Variants in CDHR3 observed in about 807,000 individuals in gnomAD.
CDHR3 encodes the protein cadherin-related family member 3.
In CDHR3, 79 loss-of-function variants were observed where a neutral mutation model predicts 86.6. That is an observed-to-expected ratio of 0.91 (90% CI 0.76 to 1.10). The LOEUF is 1.10. Among genes scored for constraint, CDHR3 ranks in the 50% least tolerant of loss-of-function variants. The pLI, the probability that CDHR3 is intolerant of heterozygous loss-of-function variation, is 0.00. For synonymous variants in CDHR3, 421 were observed against 402.4 expected (o/e 1.05, Z -0.55); for missense variants, 1,081 against 1,077.6 (o/e 1.00, Z -0.04).
intron 10 of CDHR3, 119 bp downstream of exon 10, chr7:106,015,332 G>C (rs565279579): frequency 2.6e-6 from 2 of 780,662 alleles, no homozygotes; most frequent in Non-Finnish European, 4.0e-6. Flanking sequence ...GCCCTCATGC[G>C]GGGACCCCCT....
intron 1 of CDHR3, among the ~76,000 whole-genome samples, chr7:105,966,378 A>G (rs1033528808): frequency 1.3e-5 from 2 of 152,180 alleles, no homozygotes; most frequent in East Asian, 3.9e-4. Flanking sequence ...AACCCATCCA[A>G]CTGAGTTTGT....
At chr7:106,029,691 T>A (rs1470556570) in intron 17 of CDHR3, among the ~76,000 whole-genome samples, 1 of 152,134 alleles carries the variant, frequency 6.6e-6, no homozygotes, top group African/African-American at 2.4e-5. Flanking sequence ...CCAAGCTTCA[T>A]GAATTTGTTG....
Position 106,024,491 on chromosome 7 carries a change from C to A in CDHR3, c.2187C>A (p.Tyr729Ter), listed in dbSNP as rs1837060956. ...TATTGCTTCTGGGTCTCCTCGTGTACCTGGTCGTCCTATTGGCCAAAGCCA... is the reference window on the plus strand; with the variant it reads ...TATTGCTTCTGGGTCTCCTCGTGTAACTGGTCGTCCTATTGGCCAAAGCCA... Reference protein sequence around the residue: ...GSILLLGLLVYLVVLLAKAIH... With the variant: ...GSILLLGLLV The change falls in exon 15 of 19, where the codon TAC (tyrosine) becomes TAA (stop). Residue 729 changes from tyrosine to a stop codon, truncating the protein, a stop_gained. Coordinates refer to ENST00000317716, the MANE Select transcript of CDHR3 (RefSeq NM_152750.5). LOFTEE classifies it high-confidence loss of function. 2 of 1,613,914 alleles carry A rather than the reference C, an allele frequency of 1.2e-6. No homozygotes were observed. The highest frequency in any genetic ancestry group is 8.5e-7 in the Non-Finnish European group (1 of 1,179,904).
intron 17 of CDHR3, among the ~76,000 whole-genome samples, chr7:106,029,667 G>T (rs1838041769): frequency 6.6e-6 from 1 of 151,878 alleles, no homozygotes; most frequent in Non-Finnish European, 1.5e-5. Context: ...CCACGAATAA[G>T]GCTTTGTCAT....
intron 1 of CDHR3, among the ~76,000 whole-genome samples, chr7:105,968,127 T>C (rs1827273040): frequency 6.6e-6 from 1 of 152,234 alleles, no homozygotes; most frequent in African/African-American, 2.4e-5. Context: ...AATCACTAGT[T>C]GAATCACCTT....
rs773929155 is a variant in CDHR3, at chr7:106,035,455, A to G, written c.*2758A>G. 6.6e-6 allele frequency among the ~76,000 whole-genome samples: 1 copy of G among 152,214 alleles called. No homozygotes were observed. Among genetic ancestry groups the G allele is most frequent in the Non-Finnish European group, 1.5e-5 (1 of 68,038 alleles). On this transcript the variant is annotated 3_prime_UTR_variant, in exon 19 of 19. Transcript: ENST00000317716. ...GGAGGGTCTTGACTGCAAGTTGTCCAAGTTCTTGGAGTTTTGAACAAAGAA... is the reference window on the plus strand; with the variant it reads ...GGAGGGTCTTGACTGCAAGTTGTCCGAGTTCTTGGAGTTTTGAACAAAGAA...
chr7:105,999,134 T>C (rs1366141163), intron 6 of CDHR3, among the ~76,000 whole-genome samples: 2 of 152,256 alleles, frequency 1.3e-5, no homozygotes, highest in Non-Finnish European at 2.9e-5. Context: ...AGCAGAGCTT[T>C]ACTGTGTCAG....
At chr7:105,972,561 C>G (rs4730123) in intron 1 of CDHR3, among the ~76,000 whole-genome samples, 1 of 151,888 alleles carries the variant, frequency 6.6e-6, no homozygotes, top group Non-Finnish European at 1.5e-5. Flanking sequence ...TATGCATTTG[C>G]GAGAAAAGAG....
chr7:106,031,794 G>GA (rs369328785), intron 18 of CDHR3, among the ~76,000 whole-genome samples: 75 of 137,586 alleles, frequency 5.5e-4, no homozygotes, highest in South Asian at 1.4e-3. Context: ...GTAGTTGAGA[G>GA]AAAAAAAAAA....
chr7:105,994,083 A>T (rs144383158), intron 4 of CDHR3, among the ~76,000 whole-genome samples: 9 of 152,348 alleles, frequency 5.9e-5, no homozygotes, highest in African/African-American at 2.2e-4. Context: ...TTTCATTCTC[A>T]GCTCACCCTT....
At chr7:106,015,789 G>C (rs1244467397) in intron 10 of CDHR3, 138 bp from the exon 11 acceptor site, 1 of 703,160 alleles carries the variant, frequency 1.4e-6, no homozygotes, top group South Asian at 1.5e-5. Flanking sequence ...GCATCTAAAA[G>C]GCAGGAGCTC....
chr7:106,001,106 C>A (rs17152466), intron 6 of CDHR3, among the ~76,000 whole-genome samples: 3 of 152,060 alleles, frequency 2.0e-5, no homozygotes, highest in African/African-American at 4.8e-5. Flanking sequence ...CTGCACAAAA[C>A]GTGGGAAAAT....
chr7:105,976,675 C>T (rs1179466481), intron 2 of CDHR3, among the ~76,000 whole-genome samples: 1 of 152,188 alleles, frequency 6.6e-6, no homozygotes, highest in African/African-American at 2.4e-5. Context: ...TTTTCCTATT[C>T]TGGACATTTC....
At position 106,001,532 on chromosome 7, in the gene CDHR3, G is replaced by C. The variant is rs1282882461; in HGVS notation, c.784G>C (p.Asp262His). Residue 262 changes from aspartate to histidine, a missense_variant, in exon 7 of 19, where the codon GAT becomes CAT. Transcript: ENST00000317716. ...GTIVANITAE[D>H]PDDEGFPSHL... ...CATCGTGGCCAATATCACAGCGGAGGATCCTGATGATGAAGGTTTTCCCAG... is the reference window on the plus strand; with the variant it reads ...CATCGTGGCCAATATCACAGCGGAGCATCCTGATGATGAAGGTTTTCCCAG... 1.2e-6 allele frequency: 2 copies of C among 1,613,986 alleles called. No homozygotes were observed. Among genetic ancestry groups the C allele is most frequent in the Admixed American group, 1.7e-5 (1 of 60,020 alleles).
chr7:106,015,105 A>C lies in CDHR3; in HGVS notation c.1225-6A>C. The C allele has an allele frequency of 6.3e-7, 1 of 1,592,360 alleles. No homozygotes were observed. The highest frequency in any genetic ancestry group is 1.1e-5 in the South Asian group (1 of 87,544). On this transcript the variant is annotated splice_polypyrimidine_tract_variant and splice_region_variant and intron_variant, in intron 9 of 18. Coordinates refer to ENST00000317716, the MANE Select transcript of CDHR3 (RefSeq NM_152750.5). Reference sequence around the variant, plus strand: ...TGTATAATCTACTATCTCTGTTTTAATCTAGCTGATTGGTGATCTAGACTA... The same window carrying C: ...TGTATAATCTACTATCTCTGTTTTACTCTAGCTGATTGGTGATCTAGACTA...
intron 4 of CDHR3, among the ~76,000 whole-genome samples, chr7:105,990,416 C>T (rs574359886): frequency 1.3e-5 from 2 of 152,252 alleles, no homozygotes; most frequent in Non-Finnish European, 2.9e-5. Context: ...CTCCACGTCC[C>T]ACCTCTGAGC....
Position 105,994,839 on chromosome 7 carries a change from A to C in CDHR3, c.602A>C (p.His201Pro). The C allele has an allele frequency of 6.2e-7, 1 of 1,605,656 alleles. No homozygotes were observed. The highest frequency in any genetic ancestry group is 8.5e-7 in the Non-Finnish European group (1 of 1,174,952). ...ACAGAATTGGACTTTGAAGCAGGACACAGAAGGTAGTCTTGCTATTGACCT... is the reference window on the plus strand; with the variant it reads ...ACAGAATTGGACTTTGAAGCAGGACCCAGAAGGTAGTCTTGCTATTGACCT... ...STTELDFEAG[H>P]RSFHLIVEVR... is the part of the protein sequence containing the mutation. Residue 201 changes from histidine to proline, a missense_variant, in exon 5 of 19, where the codon CAC becomes CCC. Transcript: ENST00000317716.
In CDHR3 at chr7:106,034,172, G is replaced by T. The variant is rs114278731; in HGVS notation, c.*1475G>T. Among the ~76,000 whole-genome samples the T allele has an allele frequency of 0.013, 1,945 of 152,316 alleles. 30 individuals are homozygous for T. Among genetic ancestry groups the T allele is most frequent in the African/African-American group, 0.045 (1,871 of 41,560 alleles). On this transcript the variant is annotated 3_prime_UTR_variant, in exon 19 of 19. Transcript: ENST00000317716. Reference sequence around the variant, plus strand: ...CTCAGACTTCCACCTGTAGGCATGAGCAATGAACTGGGAATAAATGGTATT... The same window carrying T: ...CTCAGACTTCCACCTGTAGGCATGATCAATGAACTGGGAATAAATGGTATT...
At chr7:106,003,556 T>A (rs1833506536) in intron 7 of CDHR3, among the ~76,000 whole-genome samples, 1 of 152,124 alleles carries the variant, frequency 6.6e-6, no homozygotes, top group African/African-American at 2.4e-5. Context: ...TCAAACAATT[T>A]GTTCAAGGTC....
Sources: allele counts gnomAD v4.1 joint callset (sites outside exome capture counted in the v4.1 genomes callset), GRCh38; gene constraint gnomAD v4.1.1; transcripts MANE v1.5; gene names NCBI Gene and HGNC (gene_info 2026-07-23, HGNC 2026-07-21).